Variants in SLC12A8 observed in about 807,000 individuals in gnomAD.
The protein encoded by SLC12A8 is solute carrier family 12 member 8.
In SLC12A8, 69 loss-of-function variants were observed where a neutral mutation model predicts 75.6. The observed-to-expected ratio is 0.91, with a 90% CI of 0.75 to 1.11. SLC12A8 has a LOEUF of 1.11. Ranked by LOEUF, SLC12A8 falls within the 50% of genes most tolerant of loss-of-function variation. SLC12A8 has a pLI of 0.00. For missense variants in SLC12A8, 877 were observed against 896.7 expected (o/e 0.98, Z 0.28); for synonymous variants, 365 against 372.8 (o/e 0.98, Z 0.24).
intron 5 of SLC12A8, among the ~76,000 whole-genome samples, chr3:125,137,457 T>C (rs1321827482): frequency 6.6e-6 from 1 of 152,222 alleles, no homozygotes; most frequent in South Asian, 2.1e-4. Context: ...AACTTTAGCT[T>C]ATCCGCTGGC....
intron 2 of SLC12A8, among the ~76,000 whole-genome samples, chr3:125,206,184 A>G (rs1201955755): frequency 2.0e-5 from 3 of 152,250 alleles, no homozygotes; most frequent in African/African-American, 7.2e-5. Context: ...GTTCTTAACC[A>G]TACACTGGCT....
chr3:125,177,998 G>A, intron 4 of SLC12A8, 24 bp from the exon 5 acceptor site: 1 of 1,593,162 alleles, frequency 6.3e-7, no homozygotes, highest in Non-Finnish European at 8.6e-7. Flanking sequence ...CCAGGTAGAA[G>A]AGTCAGCAGG....
intron 13 of SLC12A8, among the ~76,000 whole-genome samples, chr3:125,086,049 C>T (rs1379915751): frequency 1.3e-5 from 2 of 152,124 alleles, no homozygotes; most frequent in Admixed American, 6.5e-5. Flanking sequence ...GGACTATAGG[C>T]ACCTGCCACA....
At chr3:125,190,976 T>C (rs1448070025) in intron 2 of SLC12A8, among the ~76,000 whole-genome samples, 2 of 152,150 alleles carry the variant, frequency 1.3e-5, no homozygotes, top group African/African-American at 4.8e-5. Flanking sequence ...GGGCTCATGG[T>C]CATGAGCCCT....
intron 4 of SLC12A8, among the ~76,000 whole-genome samples, chr3:125,181,607 CAAAAAAAA>C (rs67602083): frequency 8.9e-5 from 6 of 67,636 alleles, no homozygotes; most frequent in Non-Finnish European, 1.3e-4. Context: ...GACTCCGTCT[CAAAAAAAA>C]AAAAAAAAAA....
chr3:125,147,095 C>T (rs1208708264), intron 5 of SLC12A8, among the ~76,000 whole-genome samples: 6 of 152,218 alleles, frequency 3.9e-5, no homozygotes, highest in East Asian at 1.9e-4. Context: ...CAAAGTGCAG[C>T]GTCTCAATAT....
chr3:125,146,377 GTAAC>G (rs1560067231), intron 5 of SLC12A8, among the ~76,000 whole-genome samples: 1 of 152,230 alleles, frequency 6.6e-6, no homozygotes, highest in Non-Finnish European at 1.5e-5. Flanking sequence ...CAGTGTGAAT[GTAAC>G]TAATGCCACC....
intron 10 of SLC12A8, among the ~76,000 whole-genome samples, chr3:125,106,356 T>TTTTTTTGTTGTTGTTG (rs567362846): frequency 6.6e-6 from 1 of 151,826 alleles, no homozygotes; most frequent in African/African-American, 2.4e-5. Context: ...TTTGGGGTTT[T>TTTTTTTGTTGTTGTTG]TTGTTGTTGT....
intron 4 of SLC12A8, among the ~76,000 whole-genome samples, chr3:125,185,330 A>G (rs2107792942): frequency 6.6e-6 from 1 of 151,996 alleles, no homozygotes; most frequent in East Asian, 1.9e-4. Context: ...CAAAAACAAA[A>G]AACAAAAAAC....
At chr3:125,158,125 C>T (rs1261338546) in intron 5 of SLC12A8, among the ~76,000 whole-genome samples, 3 of 152,118 alleles carry the variant, frequency 2.0e-5, no homozygotes, top group Non-Finnish European at 4.4e-5. Flanking sequence ...GGAATAAATA[C>T]ATTTTCTTGT....
In SLC12A8 at chr3:125,180,209, C is replaced by A. The variant is rs114070117; in HGVS notation, c.391-2235G>T. ...GGCAGGGTAGGGGGTGGGGGAAGCT[C>A]CTCAGGAGGCTTGTAAGGGCATGGT... is the stretch of plus-strand genomic sequence containing the variant. On this transcript the variant is annotated intron_variant, in intron 4 of 13. Transcript: ENST00000469902. Among the ~76,000 whole-genome samples the A allele has an allele frequency of 3.6e-3, 544 of 152,216 alleles. 6 individuals are homozygous for A. Among genetic ancestry groups the A allele is most frequent in the Middle Eastern group, 0.014 (4 of 294 alleles).
chr3:125,207,210 A>G (rs9833435), intron 2 of SLC12A8, among the ~76,000 whole-genome samples: 77,426 of 151,848 alleles, frequency 0.51, 20,615 homozygotes, highest in South Asian at 0.64. Context: ...GGTTTTTTCT[A>G]GAATAATTAG....
At chr3:125,174,978 A>G (rs1457868934) in intron 5 of SLC12A8, among the ~76,000 whole-genome samples, 7 of 152,356 alleles carry the variant, frequency 4.6e-5, no homozygotes, top group African/African-American at 1.7e-4. Context: ...ATATTGGTTC[A>G]TCACTTCCAG....
chr3:125,153,463 C>A (rs1489191086), intron 5 of SLC12A8, among the ~76,000 whole-genome samples: 1 of 152,118 alleles, frequency 6.6e-6, no homozygotes, highest in African/African-American at 2.4e-5. Context: ...AGGATGGCCG[C>A]AATTGAGGGA....
At chr3:125,166,765 G>A (rs975699254) in intron 5 of SLC12A8, among the ~76,000 whole-genome samples, 1 of 152,272 alleles carries the variant, frequency 6.6e-6, no homozygotes, top group Admixed American at 6.5e-5. Context: ...AAATATGTTG[G>A]CTGAAAGAAA....
At chr3:125,120,824 A>T (rs1477390865) in intron 6 of SLC12A8, 138 bp from the exon 7 acceptor site, 1 of 726,622 alleles carries the variant, frequency 1.4e-6, no homozygotes, top group Non-Finnish European at 2.5e-6. Flanking sequence ...AGCTCTGCGC[A>T]TAGGCTGCTT....
intron 13 of SLC12A8, among the ~76,000 whole-genome samples, chr3:125,086,631 C>G (rs1938466894): frequency 6.6e-6 from 1 of 152,240 alleles, no homozygotes; most frequent in African/African-American, 2.4e-5. Flanking sequence ...TCTACTCTTT[C>G]TCAGGACTGG....
intron 2 of SLC12A8, among the ~76,000 whole-genome samples, chr3:125,208,209 C>T (rs1026781933): frequency 2.6e-5 from 4 of 152,194 alleles, no homozygotes; most frequent in Non-Finnish European, 4.4e-5. Context: ...CCAAACCACT[C>T]CAGACTCACC....
chr3:125,092,211 C>G lies in SLC12A8; in HGVS notation c.1706-13G>C. 6.2e-7 allele frequency: 1 copy of G among 1,600,016 alleles called. No homozygotes were observed. Among genetic ancestry groups the G allele is most frequent in the Non-Finnish European group, 8.6e-7 (1 of 1,168,198 alleles). On this transcript the variant is annotated splice_polypyrimidine_tract_variant and intron_variant, in intron 10 of 13. Transcript: ENST00000469902. ...TTCAGGAAGAAATCTAAAAAATAGC[C>G]AAAGATTTGGCTGCCAAATTGCTAT...
Sources: allele counts gnomAD v4.1 joint callset (sites outside exome capture counted in the v4.1 genomes callset), GRCh38; gene constraint gnomAD v4.1.1; transcripts MANE v1.5; gene names NCBI Gene and HGNC (gene_info 2026-07-23, HGNC 2026-07-21).